Variants in COL6A6 observed in about 807,000 individuals in gnomAD.
COL6A6 encodes collagen type VI alpha 6 chain.
Under a neutral mutation model 208.6 loss-of-function variants are expected in COL6A6, and 183 were observed. That is an observed-to-expected ratio of 0.88 (90% CI 0.78 to 0.99). COL6A6 has a LOEUF of 0.99. COL6A6 is among the 50% of genes least tolerant of loss of function. The probability of loss-of-function intolerance (pLI) is 0.00; values close to 1 mark genes in which losing one functional copy is unlikely to be tolerated. For missense variants in COL6A6, 2,816 were observed against 2,815.2 expected, an observed-to-expected ratio of 1.00 and a Z score of -0.01; for synonymous variants, 973 against 1,011.8, an observed-to-expected ratio of 0.96 and a Z score of 0.73.
chr3:130,664,614 TC>T (rs141770211), intron 35 of COL6A6, among the ~76,000 whole-genome samples: 2,034 of 152,258 alleles, frequency 0.013, 40 homozygotes, highest in African/African-American at 0.046. Context: ...GTTTCAAAGA[TC>T]ATAAAGAAAA....
chr3:130,622,222 T>TC (rs1206329615), intron 24 of COL6A6, among the ~76,000 whole-genome samples: 1 of 137,950 alleles, frequency 7.2e-6, no homozygotes, highest in Non-Finnish European at 1.5e-5. Context: ...TTTTTTTTTT[T>TC]CCTTTCCTCC....
intron 12 of COL6A6, among the ~76,000 whole-genome samples, chr3:130,590,266 TA>T (rs2063645034): frequency 6.4e-5 from 1 of 15,624 alleles, no homozygotes; most frequent in South Asian, 1.9e-3. Flanking sequence ...TATATATATA[TA>T]TATATATATA....
intron 24 of COL6A6, among the ~76,000 whole-genome samples, chr3:130,625,364 TC>T (rs1282862843): frequency 6.6e-6 from 1 of 152,176 alleles, no homozygotes; most frequent in Non-Finnish European, 1.5e-5. Context: ...CACACTTTCT[TC>T]CAAAGAGTAC....
At chr3:130,673,122 T>A (rs1263093490) in intron 36 of COL6A6, among the ~76,000 whole-genome samples, 14 of 138,688 alleles carry the variant, frequency 1.0e-4, no homozygotes, top group Non-Finnish European at 7.5e-5. Flanking sequence ...GAGGTTGCAG[T>A]GAGCCGAGAT....
At chr3:130,547,727 T>C (rs111476018) in intron 1 of COL6A6, among the ~76,000 whole-genome samples, 3,878 of 152,368 alleles carry the variant, frequency 0.025, 91 homozygotes, top group African/African-American at 0.059. Flanking sequence ...TCTACTTACA[T>C]TGGCCATCTG....
At chr3:130,562,805 A>G (rs886297672) in intron 2 of COL6A6, among the ~76,000 whole-genome samples, 1 of 152,198 alleles carries the variant, frequency 6.6e-6, no homozygotes, top group Non-Finnish European at 1.5e-5. Flanking sequence ...GTTAATCACT[A>G]TTTCTAATTA....
At chr3:130,603,440 G>A (rs990680719) in intron 20 of COL6A6, among the ~76,000 whole-genome samples, 3 of 152,196 alleles carry the variant, frequency 2.0e-5, no homozygotes, top group Non-Finnish European at 4.4e-5. Flanking sequence ...GCTGTTACCA[G>A]TGCTATGCTA....
chr3:130,520,676 C>T (rs1711013931), intron 1 of COL6A6, among the ~76,000 whole-genome samples: 1 of 152,138 alleles, frequency 6.6e-6, no homozygotes, highest in African/African-American at 2.4e-5. Context: ...GTAGCAGTTG[C>T]ACTTTGAAAA....
At chr3:130,654,282 A>G (rs1031132938) in intron 33 of COL6A6, among the ~76,000 whole-genome samples, 1 of 149,658 alleles carries the variant, frequency 6.7e-6, no homozygotes, top group African/African-American at 2.4e-5. Flanking sequence ...TTTCTTCTAG[A>G]TCAAATGTTC....
In COL6A6 at chr3:130,661,681, CCT is replaced by C; in HGVS notation, c.5876_5877del (p.Pro1959ArgfsTer21). 1.2e-6 allele frequency: 2 copies of C among 1,613,884 alleles called. No individual in the cohort carries two copies. Among genetic ancestry groups the C allele is most frequent in the Non-Finnish European group, 1.7e-6 (2 of 1,179,832 alleles). On this transcript the variant is annotated frameshift_variant, in exon 35 of 37. Coordinates refer to ENST00000358511, the MANE Select transcript of COL6A6 (RefSeq NM_001102608.3). LOFTEE classifies it high-confidence loss of function. ...TTCTTGTGACCAAGCCAGACCACCCCCTGTGCAGTCTTACATGGATGCTGCTT... is the reference window on the plus strand; with the variant it reads ...TTCTTGTGACCAAGCCAGACCACCCCGTGCAGTCTTACATGGATGCTGCTT... ...DASCDQARPP[P>X]VQSYMDAAFL...
intron 32 of COL6A6, 132 bp from the exon 33 acceptor site, chr3:130,648,937 A>T (rs1161637958): frequency 2.9e-6 from 2 of 691,202 alleles, no homozygotes; most frequent in African/African-American, 3.7e-5. Flanking sequence ...TATATTTTAC[A>T]TGTTTGTTTT....
In COL6A6 at chr3:130,561,061, A is replaced by G. The variant is rs183556451; in HGVS notation, c.64+633A>G. Among the ~76,000 whole-genome samples the G allele has an allele frequency of 5.9e-5, 9 of 152,356 alleles. No homozygotes were observed. The East Asian group carries it at 1.7e-3, about 29-fold the overall frequency. ...ATAAACCAGACTTTGCCCTGCAAAC[A>G]TCTTCCTTTGATGTATCTCTAAGCC... On this transcript the variant is annotated intron_variant, in intron 2 of 36. Transcript: ENST00000358511.
chr3:130,626,223 A>G (rs2064880959), intron 24 of COL6A6, among the ~76,000 whole-genome samples: 2 of 152,214 alleles, frequency 1.3e-5, no homozygotes, highest in Admixed American at 1.3e-4. Flanking sequence ...TTAAAACAGT[A>G]TAGAGCTTTT....
At chr3:130,641,450 G>A (rs567905877) in intron 28 of COL6A6, among the ~76,000 whole-genome samples, 59 of 152,260 alleles carry the variant, frequency 3.9e-4, no homozygotes, top group Admixed American at 9.2e-4. Context: ...AAATGTTAAT[G>A]AGGATTATTT....
intron 1 of COL6A6, among the ~76,000 whole-genome samples, chr3:130,529,777 A>G (rs769018167): frequency 6.6e-6 from 1 of 152,156 alleles, no homozygotes; most frequent in Non-Finnish European, 1.5e-5. Context: ...GTTGACATAA[A>G]TTTAACCTCC....
chr3:130,606,213 T>C (rs1235299351), intron 20 of COL6A6, among the ~76,000 whole-genome samples: 3 of 152,212 alleles, frequency 2.0e-5, no homozygotes, highest in Non-Finnish European at 2.9e-5. Context: ...TGATCCTAGG[T>C]TAGACAACAA....
At chr3:130,667,785 A>G (rs1189732309) in intron 36 of COL6A6, among the ~76,000 whole-genome samples, 2 of 152,074 alleles carry the variant, frequency 1.3e-5, no homozygotes, top group Admixed American at 1.3e-4. Context: ...TACTAAAAAG[A>G]GGGTAATAAT....
chr3:130,576,168 G>A (rs1288435722), intron 8 of COL6A6, among the ~76,000 whole-genome samples: 1 of 152,148 alleles, frequency 6.6e-6, no homozygotes, highest in Non-Finnish European at 1.5e-5. Flanking sequence ...TCTTTGTAGG[G>A]AGGGCAATAT....
At chr3:130,643,976 G>C (rs1231074257) in intron 31 of COL6A6, among the ~76,000 whole-genome samples, 2 of 152,154 alleles carry the variant, frequency 1.3e-5, no homozygotes, top group African/African-American at 4.8e-5. Context: ...GGCTCAGTTA[G>C]TGCGGTGGGT....
Sources: allele counts gnomAD v4.1 joint callset (sites outside exome capture counted in the v4.1 genomes callset), GRCh38; gene constraint gnomAD v4.1.1; transcripts MANE v1.5; gene names NCBI Gene and HGNC (gene_info 2026-07-23, HGNC 2026-07-21).